The following MCF2L variants were observed in gnomAD, a reference collection of about 807,000 sequenced individuals.
The protein encoded by MCF2L is guanine nucleotide exchange factor DBS.
MCF2L carries 97 observed loss-of-function variants against 153.4 expected under a neutral mutation model. The ratio of observed to expected loss-of-function variants is 0.63; its 90% CI spans 0.54 to 0.75. The LOEUF is 0.75. Ranked by LOEUF, MCF2L falls within the 30% of genes least tolerant of loss-of-function variation. The pLI is 0.00. For missense variants in MCF2L, 1,347 were observed against 1,495.2 expected (o/e 0.90, Z 1.64); for synonymous variants, 659 against 632.2 (o/e 1.04, Z -0.64).
In MCF2L at chr13:112,973,641, G is replaced by A. The variant is rs190820726; in HGVS notation, c.79+4183G>A. 1.6e-3 allele frequency among the ~76,000 whole-genome samples: 243 copies of A among 152,352 alleles called. 1 individual carries two copies. The highest frequency in any genetic ancestry group is 0.011 in the Admixed American group (161 of 15,300). On this transcript the variant is annotated intron_variant, in intron 1 of 29. Transcript: ENST00000535094. ...AGTCTGACGCCCTCCATGCGAAGAC[G>A]GCGCGAGCACGGCTTCACCTGTGGA...
chr13:113,049,310 G>C (rs1252743777), intron 4 of MCF2L, among the ~76,000 whole-genome samples: 1 of 138,332 alleles, frequency 7.2e-6, no homozygotes, highest in Non-Finnish European at 1.5e-5. Flanking sequence ...GTCCTGGGCA[G>C]ACCAGGAGGG....
intron 1 of MCF2L, among the ~76,000 whole-genome samples, chr13:113,011,655 G>T (rs542049064): frequency 2.0e-5 from 2 of 100,578 alleles, no homozygotes; most frequent in Admixed American, 2.0e-4. Flanking sequence ...CAGTGTGGAC[G>T]GTGGACACTG....
At chr13:113,021,261 CATGT>C (rs777065181) in intron 2 of MCF2L, among the ~76,000 whole-genome samples, 8 of 116,214 alleles carry the variant, frequency 6.9e-5, no homozygotes, top group Non-Finnish European at 1.3e-4. Flanking sequence ...TGTATATGTA[CATGT>C]ATGTGTGTAT....
intron 1 of MCF2L, among the ~76,000 whole-genome samples, chr13:113,005,551 G>A (rs975473443): frequency 6.6e-6 from 1 of 151,660 alleles, no homozygotes; most frequent in African/African-American, 2.4e-5. Flanking sequence ...GTTGGTTCTG[G>A]GTGGCTGTGG....
intron 1 of MCF2L, chr13:112,979,855 T>A: frequency 1.7e-6 from 2 of 1,162,628 alleles, no homozygotes; most frequent in East Asian, 2.5e-5. Flanking sequence ...GGTATTTCTC[T>A]CACCACTTGA....
chr13:112,999,623 G>C (rs181881704), intron 1 of MCF2L, among the ~76,000 whole-genome samples: 2 of 152,180 alleles, frequency 1.3e-5, no homozygotes, highest in Non-Finnish European at 2.9e-5. Flanking sequence ...CTTGGGCCTC[G>C]GGGGTCTCTG....
chr13:113,052,730 G>A (rs530740308), intron 4 of MCF2L: 3 of 152,242 alleles, frequency 2.0e-5, no homozygotes, highest in South Asian at 2.1e-4. Context: ...AACCTCAGCT[G>A]TGGCCATAAA....
At chr13:113,075,857 C>A in intron 11 of MCF2L, 109 bp from the exon 12 acceptor site, 1 of 851,602 alleles carries the variant, frequency 1.2e-6, no homozygotes, top group Non-Finnish European at 1.8e-6. Flanking sequence ...CACGAGGAGT[C>A]GGTGGCCCGG....
At chr13:112,912,960 GTGTC>G (rs1378217878) in intron 2 of MCF2L, among the ~76,000 whole-genome samples, 80 of 149,658 alleles carry the variant, frequency 5.3e-4, no homozygotes, top group African/African-American at 1.8e-3. Flanking sequence ...TGGTGTATCT[GTGTC>G]TGTATGTATG....
intron 3 of MCF2L, chr13:113,043,393 C>G (rs2086621894): frequency 6.6e-6 from 1 of 152,256 alleles, no homozygotes; most frequent in East Asian, 1.9e-4. Flanking sequence ...GGACTGGGAC[C>G]CAGAGAGCTC....
At chr13:112,924,238 C>G (rs541458685) in intron 2 of MCF2L, among the ~76,000 whole-genome samples, 6 of 152,074 alleles carry the variant, frequency 3.9e-5, no homozygotes, top group Non-Finnish European at 5.9e-5. Flanking sequence ...CACGATGTGT[C>G]GTCGTTAGAG....
chr13:113,024,653 GGCAGGACGGAA>G lies in MCF2L; in HGVS notation c.176_186del (p.Gln59ProfsTer7), dbSNP rs1480513554. On this transcript the variant is annotated frameshift_variant, in exon 3 of 30. Transcript: ENST00000535094. LOFTEE classifies it high-confidence loss of function. ...TCTGGTCTCTCCCCAGGTGGGCGGGGGCAGGACGGAAGCCCGGTTATCACCTTCCCTGACTA... is the reference window on the plus strand; with the variant it reads ...TCTGGTCTCTCCCCAGGTGGGCGGGGGCCCGGTTATCACCTTCCCTGACTA... 1 of 1,613,604 alleles carries G rather than the reference GGCAGGACGGAA, an allele frequency of 6.2e-7. No homozygotes were observed. Among genetic ancestry groups the G allele is most frequent in the Non-Finnish European group, 8.5e-7 (1 of 1,179,636 alleles).
At chr13:112,917,421 C>A (rs2081305435) in intron 2 of MCF2L, 1 of 336,650 alleles carries the variant, frequency 3.0e-6, no homozygotes, top group Admixed American at 4.1e-5. Flanking sequence ...GATCCAGAAT[C>A]CAGCCAGGCT....
intron 17 of MCF2L, 56 bp from the exon 18 acceptor site, chr13:113,083,942 C>G: frequency 7.8e-7 from 1 of 1,279,082 alleles, no homozygotes; most frequent in Non-Finnish European, 1.1e-6. Context: ...CCACTTGTCA[C>G]TGGTCCACGT....
intron 3 of MCF2L, chr13:113,026,880 A>G (rs1044518758): frequency 4.0e-6 from 3 of 749,758 alleles, no homozygotes; most frequent in Non-Finnish European, 7.4e-6. Flanking sequence ...GGCGGGCAGG[A>G]GAGCAGCATC....
chr13:112,913,276 G>T (rs1170427165), intron 2 of MCF2L, among the ~76,000 whole-genome samples: 9 of 151,746 alleles, frequency 5.9e-5, no homozygotes, highest in African/African-American at 2.2e-4. Context: ...TGTATGTATG[G>T]GGTGTGTCTG....
In MCF2L at chr13:113,074,341, C is replaced by T. The variant is rs561052088; in HGVS notation, c.997-103C>T. ...CTGCTTGATTGATGACCACTTGGCC[C>T]GACTTTGAATTCTGTCATTTCCCTG... On this transcript the variant is annotated intron_variant, in intron 9 of 29. Coordinates refer to ENST00000535094, the MANE Select transcript of MCF2L (RefSeq NM_001112732.3). The surrounding 1 kb of genome is among the most constrained non-coding windows in gnomAD (Gnocchi z 4.2). The T allele has an allele frequency of 4.0e-5, 58 of 1,467,466 alleles. No homozygotes were observed. The African/African-American group carries it at 5.7e-4, about 14-fold the overall frequency. The allele number at this position is 1,467,466 out of a possible 1,614,324, so 90.9% of individuals were successfully genotyped here. A position where few individuals can be genotyped will look rare whatever the true frequency, so the allele number is the denominator to read the frequency against.
chr13:113,057,616 G>A (rs988685722), intron 4 of MCF2L, among the ~76,000 whole-genome samples: 2 of 134,102 alleles, frequency 1.5e-5, no homozygotes, highest in African/African-American at 5.4e-5. Context: ...TTTGAGTGCT[G>A]TGTGTTTGGG....
chr13:113,017,690 G>A (rs989713130), intron 2 of MCF2L, among the ~76,000 whole-genome samples: 4 of 151,896 alleles, frequency 2.6e-5, no homozygotes, highest in African/African-American at 9.7e-5. Context: ...TCCCTGTCTC[G>A]CTCCACTCGA....
Sources: allele counts gnomAD v4.1 joint callset (sites outside exome capture counted in the v4.1 genomes callset), GRCh38; gene constraint gnomAD v4.1.1; non-coding constraint Gnocchi (gnomAD v3.1); transcripts MANE v1.5; gene names NCBI Gene and HGNC (gene_info 2026-07-23, HGNC 2026-07-21).